Variants in TTC39A observed in about 807,000 individuals in gnomAD.
TTC39A encodes tetratricopeptide repeat domain 39A.
TTC39A carries 46 observed loss-of-function variants against 82.3 expected under a neutral mutation model. The ratio of observed to expected loss-of-function variants is 0.56; its 90% confidence interval spans 0.44 to 0.71. The LOEUF (loss-of-function observed/expected upper bound fraction) is 0.71. Among genes scored for constraint, TTC39A ranks in the 30% least tolerant of loss-of-function variants. The pLI is 0.00. For missense variants in TTC39A, 543 were observed against 712.9 expected, an observed-to-expected ratio of 0.76 and a Z score of 2.71; for synonymous variants, 254 against 275.2, an observed-to-expected ratio of 0.92 and a Z score of 0.76.
rs1017453145 is a variant in TTC39A at position 51,288,051 on chromosome 1, G to C, written c.*106C>G. ...GTTGTGCCATCCAACTGGAGTGCCG[G>C]TGGACCCCAAAGGCAGGGCAGGGCA... On this transcript the variant is annotated 3_prime_UTR_variant, in exon 18 of 18. Transcript: ENST00000680483. This position sits in a 1 kb window ranked among gnomAD's most constrained non-coding sequence, Gnocchi z 4.8. 43 of 1,489,562 alleles carry C rather than the reference G, an allele frequency of 2.9e-5. No homozygotes were observed. The highest frequency in any genetic ancestry group is 3.8e-5 in the Non-Finnish European group (42 of 1,107,494). The allele number at this position is 1,489,562 out of a possible 1,614,324, so 92.3% of individuals were successfully genotyped here. A position where few individuals can be genotyped will look rare whatever the true frequency, so the allele number is the denominator to read the frequency against.
At chr1:51,330,616 C>T (rs1342276270), upstream of TTC39A, 1 of 982,976 alleles carries the variant, frequency 1.0e-6, no homozygotes, top group Non-Finnish European at 1.2e-6. This position sits in a 1 kb window ranked among gnomAD's most constrained non-coding sequence, Gnocchi z 4.5. Flanking sequence ...GGGAAGGCGG[C>T]GGGGCCGGGC....
In TTC39A at chr1:51,321,082, CA is replaced by C. The variant is rs1486518900; in HGVS notation, c.146+638del. On this transcript the variant is annotated intron_variant, in intron 2 of 17. Coordinates refer to ENST00000680483, the MANE Select transcript of TTC39A (RefSeq NM_001297663.2). The surrounding 1 kb of genome is among the most constrained non-coding windows in gnomAD (Gnocchi z 4.6). ...AGAGATGGGGTTTCACCATGTTGGCCAGGCTGGTCTTGAACTTCTGACCTCA... is the reference window on the plus strand; with the variant it reads ...AGAGATGGGGTTTCACCATGTTGGCCGGCTGGTCTTGAACTTCTGACCTCA... Among the ~76,000 whole-genome samples, 2 of 151,960 alleles carry C rather than the reference CA, an allele frequency of 1.3e-5. No individual in the cohort carries two copies. The highest frequency in any genetic ancestry group is 2.4e-5 in the African/African-American group (1 of 41,346).
chr1:51,295,358 C>T (rs1335928806), intron 13 of TTC39A, among the ~76,000 whole-genome samples: 1 of 152,156 alleles, frequency 6.6e-6, no homozygotes, highest in Non-Finnish European at 1.5e-5. Context: ...TCATATTATA[C>T]CCATTTCTGG....
At chr1:51,340,205 T>C (rs891932366) in intron 1 of TTC39A, among the ~76,000 whole-genome samples, 3 of 152,148 alleles carry the variant, frequency 2.0e-5, no homozygotes, top group African/African-American at 7.2e-5. Flanking sequence ...TGAATGGGAA[T>C]GAATTAAGAA....
chr1:51,290,186 C>A, intron 15 of TTC39A, 67 bp from the exon 16 acceptor site: 1 of 1,460,192 alleles, frequency 6.8e-7, no homozygotes, highest in South Asian at 1.3e-5. Flanking sequence ...TTATGGAGCC[C>A]CCTACTTTGT....
At chr1:51,315,925 G>A (rs1645265574) in intron 2 of TTC39A, among the ~76,000 whole-genome samples, 1 of 152,180 alleles carries the variant, frequency 6.6e-6, no homozygotes, top group African/African-American at 2.4e-5. Flanking sequence ...TGCCTAAAAA[G>A]GGCCCATGTT....
chr1:51,322,822 A>T (rs535783889), intron 1 of TTC39A, among the ~76,000 whole-genome samples: 1 of 152,354 alleles, frequency 6.6e-6, no homozygotes, highest in South Asian at 2.1e-4. Context: ...ATTTCCCAGA[A>T]GTTAGTTAAA....
chr1:51,312,178 G>A lies in TTC39A; in HGVS notation c.296C>T (p.Ser99Phe). 6.2e-7 allele frequency: 1 copy of A among 1,609,714 alleles called. No homozygotes were observed. The highest frequency in any genetic ancestry group is 1.1e-5 in the South Asian group (1 of 89,806). The change falls in exon 4 of 18, where the codon TCT becomes TTT. Residue 99 changes from serine (S) to phenylalanine (F), a missense_variant. Transcript: ENST00000680483. ...MLCQRHRRKS[S>F]VTDSFSSLVN... ...CAGGCTGCTGAAGGAATCTGTTACA[G>A]AAGACTTCCTCCGGTGCCTGAAGAG...
rs372833422 is a variant in TTC39A, at chr1:51,295,603, G to A, written c.1145+476C>T. 291 of 169,756 alleles carry A rather than the reference G, an allele frequency of 1.7e-3. 6 individuals carry two copies. Among genetic ancestry groups the A allele is most frequent in the African/African-American group, 6.3e-3 (266 of 42,388 alleles). The allele number at this position is 169,756 out of a possible 1,614,324, so 10.5% of individuals were successfully genotyped here. A position where few individuals can be genotyped will look rare whatever the true frequency, so the allele number is the denominator to read the frequency against. On this transcript the variant is annotated intron_variant, in intron 13 of 17. Coordinates refer to ENST00000680483, the MANE Select transcript of TTC39A (RefSeq NM_001297663.2). ...TTGCAAAACAGTGCTGCGAGGTGGA[G>A]GTTGTTGTTCCCATTTTACAGATGC...
In TTC39A at chr1:51,290,105, C is replaced by T. The variant is rs1481992357; in HGVS notation, c.1393G>A (p.Val465Met). ...AATTTCACCAAGCACTCGTCATCCA[C>T]TGAGTACTCGTTCTCTGAAAATAGG... The part of the protein sequence containing the change: ...LEKGPENEYS[V>M]DDECLVKLLK... The change falls in exon 16 of 18, where the codon GTG (valine) becomes ATG (methionine). Residue 465 changes from valine to methionine, a missense_variant. Transcript: ENST00000680483. 3.1e-6 allele frequency: 5 copies of T among 1,613,732 alleles called. No homozygotes were observed. The highest frequency in any genetic ancestry group is 4.2e-6 in the Non-Finnish European group (5 of 1,179,824).
At chr1:51,307,459 C>A (rs146778022) in intron 6 of TTC39A, among the ~76,000 whole-genome samples, 2 of 152,226 alleles carry the variant, frequency 1.3e-5, no homozygotes, top group South Asian at 2.1e-4. Context: ...ATAGGCCAGG[C>A]GTGGTGGCTC....
In TTC39A at chr1:51,294,596, C is replaced by T. The variant is rs982106291; in HGVS notation, c.1146-85G>A. The T allele has an allele frequency of 2.3e-5, 37 of 1,575,444 alleles. No individual in the cohort carries two copies. Among genetic ancestry groups the T allele is most frequent in the African/African-American group, 4.0e-5 (3 of 74,324 alleles). ...CCCCAGCCTACCCAGCTATGCTTGG[C>T]GCCTCTCTGGGCCTCAGTTTCCCCA... On this transcript the variant is annotated intron_variant, in intron 13 of 17. Coordinates refer to ENST00000680483, the MANE Select transcript of TTC39A (RefSeq NM_001297663.2). The surrounding 1 kb of genome is among the most constrained non-coding windows in gnomAD (Gnocchi z 4.3).
At chr1:51,315,832 T>C (rs1645262555) in intron 2 of TTC39A, among the ~76,000 whole-genome samples, 1 of 152,178 alleles carries the variant, frequency 6.6e-6, no homozygotes, top group African/African-American at 2.4e-5. Context: ...ATCCAGTCCA[T>C]CTCAGTGTAA....
chr1:51,341,302 C>A (rs1388224315), intron 1 of TTC39A, among the ~76,000 whole-genome samples: 1 of 151,654 alleles, frequency 6.6e-6, no homozygotes. Context: ...GACAGCCATG[C>A]CTTGTACTGA....
At chr1:51,335,094 G>A (rs1332829512), upstream of TTC39A, 3 of 152,270 alleles carry the variant, frequency 2.0e-5, no homozygotes, top group Non-Finnish European at 4.4e-5. Flanking sequence ...CCTGTCAGGA[G>A]ACCTGTTTCC....
At chr1:51,305,543 C>A (rs1644836448) in intron 7 of TTC39A, 4 of 305,842 alleles carry the variant, frequency 1.3e-5, no homozygotes, top group South Asian at 7.1e-5. Context: ...CCGTAGGAAA[C>A]CTTCCCCCAC....
intron 1 of TTC39A, among the ~76,000 whole-genome samples, chr1:51,338,883 G>A (rs1370550703): frequency 1.3e-5 from 2 of 152,140 alleles, no homozygotes; most frequent in Non-Finnish European, 2.9e-5. Context: ...GATTACAGGT[G>A]TGAGCCACTA....
At chr1:51,293,038 C>T (rs1422555994) in intron 14 of TTC39A, among the ~76,000 whole-genome samples, 2 of 151,742 alleles carry the variant, frequency 1.3e-5, no homozygotes, top group Non-Finnish European at 2.9e-5. Flanking sequence ...TATCCTCCTG[C>T]TCCACTTGAT....
intron 2 of TTC39A, among the ~76,000 whole-genome samples, chr1:51,318,678 G>A (rs1327095723): frequency 5.9e-5 from 9 of 152,302 alleles, no homozygotes; most frequent in East Asian, 1.9e-4. Context: ...AGGGGACTAC[G>A]GAGAGTAGGT....
Sources: allele counts gnomAD v4.1 joint callset (sites outside exome capture counted in the v4.1 genomes callset), GRCh38; gene constraint gnomAD v4.1.1; non-coding constraint Gnocchi (gnomAD v3.1); transcripts MANE v1.5; gene names NCBI Gene and HGNC (gene_info 2026-07-23, HGNC 2026-07-21).